The following NOP53 variants were observed in gnomAD, a reference collection of about 807,000 sequenced individuals.
The protein encoded by NOP53 is ribosome biogenesis protein NOP53.
In NOP53, 40 loss-of-function variants were observed where a neutral mutation model predicts 61.0. That is an observed-to-expected ratio of 0.66 (90% CI 0.51 to 0.85). NOP53 has a LOEUF of 0.85. Among genes scored for constraint, NOP53 ranks in the 40% least tolerant of loss-of-function variants. NOP53 has a pLI of 0.00. For synonymous variants in NOP53, 308 were observed against 289.5 expected (o/e 1.06, Z -0.65); for missense variants, 689 against 652.9 (o/e 1.06, Z -0.60).
intron 1 of NOP53, 30 bp downstream of exon 1, chr19:47,745,813 GA>G (rs746053167): frequency 2.1e-6 from 3 of 1,453,830 alleles, no homozygotes; most frequent in Middle Eastern, 5.1e-4. Context: ...CGGGAGGTGG[GA>G]CGGTTCCTGC....
intron 1 of NOP53, 76 bp downstream of exon 1, chr19:47,745,859 TCGTCGGG>T: frequency 9.7e-6 from 1 of 102,892 alleles, no homozygotes. Context: ...TTGCGTGGAC[TCGTCGGG>T]GGTCGGGGGT....
chr19:47,756,502 C>T (rs765741387), intron 10 of NOP53, 26 bp from the exon 11 acceptor site: 1 of 1,601,612 alleles, frequency 6.2e-7, no homozygotes, highest in Non-Finnish European at 8.5e-7. Flanking sequence ...CCAGGCCCTG[C>T]TGAGGCCTCC....
In NOP53 at chr19:47,751,577, A is replaced by G. The variant is rs548451384; in HGVS notation, c.656A>G (p.Lys219Arg). 7.3e-4 allele frequency: 1,186 copies of G among 1,613,846 alleles called. 16 individuals carry two copies. In the South Asian group the frequency reaches 0.012, roughly 17 times the overall value. ...GAGTTTTTCCTGGAGCAGACCAAGA[A>G]GAAAGGAGTGAAGGTGAGATGTGTG... ...QDEFFLEQTK[K>R]KGVKRPARLH... Residue 219 changes from lysine to arginine, a missense_variant, in exon 5 of 13, where the codon AAG becomes AGG. By Grantham distance (26) the Lys-to-Arg change is conservative. Transcript: ENST00000246802.
In NOP53 at chr19:47,754,244, T is replaced by C. The variant is rs571854646; in HGVS notation, c.766-283T>C. 14 of 417,468 alleles carry C rather than the reference T, an allele frequency of 3.4e-5. No individual in the cohort carries two copies. The highest frequency in any genetic ancestry group is 6.1e-5 in the Non-Finnish European group (14 of 229,070). 25.9% of individuals were successfully genotyped at this position (417,468 alleles called of 1,614,324 possible). ...GTGAGCTGAGATCACACCATTGCAC[T>C]CCAGTCTGGGCAACAAGACAGAAAC... On this transcript the variant is annotated intron_variant, in intron 6 of 12. Coordinates refer to ENST00000246802, the MANE Select transcript of NOP53 (RefSeq NM_015710.5). This position sits in a 1 kb window ranked among gnomAD's most constrained non-coding sequence, Gnocchi z 4.2.
chr19:47,749,895 G>A (rs576272086), intron 2 of NOP53, among the ~76,000 whole-genome samples: 1 of 152,260 alleles, frequency 6.6e-6, no homozygotes, highest in African/African-American at 2.4e-5. Flanking sequence ...TTCCCTGTTT[G>A]TCTGGAAGAC....
In NOP53 at chr19:47,754,165, T is replaced by C. The variant is rs950063094; in HGVS notation, c.766-362T>C. On this transcript the variant is annotated intron_variant, in intron 6 of 12. Transcript: ENST00000246802. This position sits in a 1 kb window ranked among gnomAD's most constrained non-coding sequence, Gnocchi z 4.2. ...GGTGGCACATGCCTGTAATAGTAGCTACTCGGGAGGCTGAGGCAGGAGAAT... is the reference window on the plus strand; with the variant it reads ...GGTGGCACATGCCTGTAATAGTAGCCACTCGGGAGGCTGAGGCAGGAGAAT... 3.3e-5 allele frequency: 7 copies of C among 215,258 alleles called. No homozygotes were observed. Among genetic ancestry groups the C allele is most frequent in the Non-Finnish European group, 3.7e-5 (4 of 107,804 alleles). The allele number at this position is 215,258 out of a possible 1,614,324, so 13.3% of individuals were successfully genotyped here. A position where few individuals can be genotyped will look rare whatever the true frequency, so the allele number is the denominator to read the frequency against.
intron 1 of NOP53, chr19:47,746,117 T>G: frequency 2.9e-6 from 1 of 340,504 alleles, no homozygotes; most frequent in Non-Finnish European, 5.4e-6. Context: ...TGTGTATGTA[T>G]ATATGTGTGT....
At chr19:47,755,957 A>G in intron 10 of NOP53, 135 bp downstream of exon 10, 1 of 666,370 alleles carries the variant, frequency 1.5e-6, no homozygotes, top group Non-Finnish European at 2.6e-6. Flanking sequence ...CCAGGGGCTG[A>G]GGGCACGGGA....
At position 47,751,017 on chromosome 19, in the gene NOP53, G is replaced by T; in HGVS notation, c.508G>T (p.Ala170Ser). 1 of 1,598,534 alleles carries T rather than the reference G, an allele frequency of 6.3e-7. No homozygotes were observed. The highest frequency in any genetic ancestry group is 8.5e-7 in the Non-Finnish European group (1 of 1,173,632). Residue 170 changes from alanine (A) to serine (S), a missense_variant, in exon 4 of 13, where the codon GCC becomes TCC. Transcript: ENST00000246802. Reference sequence around the variant, plus strand: ...GCCCCGGGAGGTGCGCAGGGCCCAGGCCCGGCTCCTCAACCCTTCTGCAAC... The same window carrying T: ...GCCCCGGGAGGTGCGCAGGGCCCAGTCCCGGCTCCTCAACCCTTCTGCAAC... ...ELPREVRRAQ[A>S]RLLNPSATRA...
At chr19:47,753,900 A>G (rs1183281653) in intron 6 of NOP53, 1 of 150,850 alleles carries the variant, frequency 6.6e-6, no homozygotes, top group Non-Finnish European at 1.5e-5. Flanking sequence ...GTCAGCCATC[A>G]CCCCCGCAAT....
chr19:47,755,234 G>A lies in NOP53; in HGVS notation c.1054-114G>A, dbSNP rs575797986. ...AGGGGCCGCTGATGTGACGGGGTTA[G>A]GAAGGGCCTCCGGGGACAGGCAGGT... On this transcript the variant is annotated intron_variant, in intron 8 of 12. Transcript: ENST00000246802. 4.6e-5 allele frequency: 31 copies of A among 680,102 alleles called. No individual in the cohort carries two copies. In the South Asian group the frequency reaches 4.6e-4, roughly 10 times the overall value. The allele number at this position is 680,102 out of a possible 1,614,324, so 42.1% of individuals were successfully genotyped here.
rs749510337 is a variant in NOP53, at chr19:47,745,693, A to G, written c.134A>G (p.Lys45Arg). 8.1e-6 allele frequency: 13 copies of G among 1,612,564 alleles called. No individual in the cohort carries two copies. The highest frequency in any genetic ancestry group is 1.1e-5 in the Non-Finnish European group (13 of 1,179,410). Reference protein sequence around the residue: ...RRRRRGPRNKKRGWRRLAQEP... With the variant: ...RRRRRGPRNKRRGWRRLAQEP... ...CGGCGGCGAGGCCCAAGAAATAAGA[A>G]GCGGGGCTGGCGGCGGCTTGCTCAG... The change falls in exon 1 of 13, where the codon AAG (lysine) becomes AGG (arginine). Residue 45 changes from lysine to arginine, a missense_variant. Physicochemically the swap from Lys to Arg is conservative, Grantham distance 26. Transcript: ENST00000246802.
At position 47,754,536 on chromosome 19, in the gene NOP53, T is replaced by G; in HGVS notation, c.775T>G (p.Ser259Ala). 6.4e-7 allele frequency: 1 copy of G among 1,550,450 alleles called. No individual in the cohort carries two copies. Among genetic ancestry groups the G allele is most frequent in the Non-Finnish European group, 8.7e-7 (1 of 1,147,544 alleles). Residue 259 changes from serine (S) to alanine (A), a missense_variant, in exon 7 of 13, where the codon TCA becomes GCA. By Grantham distance (99) the Ser-to-Ala change is moderately conservative. Coordinates refer to ENST00000246802, the MANE Select transcript of NOP53 (RefSeq NM_015710.5). This position sits in a 1 kb window ranked among gnomAD's most constrained non-coding sequence, Gnocchi z 4.2. ...CACTCCCGCCCCTCAGACCCTGCTC[T>G]CAGCGGCCCACGAGGTGGAGTTGCA... is the stretch of plus-strand genomic sequence containing the variant. ...PSFEDHQTLL[S>A]AAHEVELQRQ... is the part of the protein sequence containing the mutation.
intron 5 of NOP53, 74 bp downstream of exon 5, chr19:47,751,664 G>A: frequency 8.7e-7 from 1 of 1,144,748 alleles, no homozygotes; most frequent in Admixed American, 1.8e-5. Flanking sequence ...TGTTCCTGCA[G>A]TAGAGTCTGT....
chr19:47,746,771 G>A lies in NOP53; in HGVS notation c.225-196G>A, dbSNP rs554572136. The stretch of plus-strand genomic sequence containing the variant: ...ACCCGCCTGGGCCTCCCAAAGTGCT[G>A]GGATTACAGGCGTGAGCCACTGCGC... On this transcript the variant is annotated intron_variant, in intron 1 of 12. Coordinates refer to ENST00000246802, the MANE Select transcript of NOP53 (RefSeq NM_015710.5). The A allele has an allele frequency of 4.1e-5, 20 of 492,618 alleles. No homozygotes were observed. The South Asian group carries it at 4.9e-4, about 12-fold the overall frequency. The allele number at this position is 492,618 out of a possible 1,614,324, so 30.5% of individuals were successfully genotyped here.
Position 47,750,280 on chromosome 19 carries a change from C to A in NOP53, c.392C>A (p.Pro131His). 2 of 1,585,246 alleles carry A rather than the reference C, an allele frequency of 1.3e-6. No homozygotes were observed. The highest frequency in any genetic ancestry group is 1.1e-5 in the South Asian group (1 of 90,538). ...ILENTSKVPA[P>H]KDVLAHQVPN... ...GAGAACACATCCAAAGTCCCTGCCC[C>A]CAAAGAGTGAGTGTCCCAGCATCCC... The change falls in exon 3 of 13, where the codon CCC becomes CAC. Residue 131 changes from proline (P) to histidine (H), a missense_variant. Pro to His is a moderately conservative substitution (Grantham distance 77). Coordinates refer to ENST00000246802, the MANE Select transcript of NOP53 (RefSeq NM_015710.5).
intron 5 of NOP53, 21 bp from the exon 6 acceptor site, chr19:47,752,491 G>T (rs751859317): frequency 6.6e-7 from 1 of 1,515,300 alleles, no homozygotes; most frequent in Non-Finnish European, 9.1e-7. Flanking sequence ...GCCTTACCCT[G>T]CCTCGGCCTT....
chr19:47,755,891 C>G, intron 10 of NOP53, 69 bp downstream of exon 10: 5 of 1,344,936 alleles, frequency 3.7e-6, no homozygotes, highest in Non-Finnish European at 5.3e-6. Context: ...CCGTGCCCCC[C>G]AGGGGCTATG....
In NOP53 at chr19:47,756,766, G is replaced by C. The variant is rs557307077; in HGVS notation, c.1430+22G>C. 3.2e-5 allele frequency: 51 copies of C among 1,611,350 alleles called. No individual in the cohort carries two copies. In the South Asian group the frequency reaches 5.3e-4, roughly 17 times the overall value. ...TCCAGTGAGTCCACCCGGCTTCGGC[G>C]CAAGGAAGGGAGCCCTTCTCCCACC... On this transcript the variant is annotated intron_variant, in intron 12 of 12. Coordinates refer to ENST00000246802, the MANE Select transcript of NOP53 (RefSeq NM_015710.5).
Sources: gnomAD v4.1 joint callset for allele counts (sites outside exome capture counted in the v4.1 genomes callset) on GRCh38, gnomAD v4.1.1 for gene constraint, Gnocchi (gnomAD v3.1) non-coding constraint, MANE v1.5 for transcripts, NCBI Gene and HGNC (gene_info 2026-07-23, HGNC 2026-07-21) for gene names.